The following CYB5B variants were observed in gnomAD, a reference collection of about 807,000 sequenced individuals.
CYB5B encodes the protein cytochrome b5 type B.
CYB5B carries 14 observed loss-of-function variants against 21.3 expected under a neutral mutation model. That is an observed-to-expected ratio of 0.66 (90% CI 0.43 to 1.03). The LOEUF (loss-of-function observed/expected upper bound fraction) is 1.03. CYB5B is among the 50% of genes least tolerant of loss of function. The pLI, the probability that CYB5B is intolerant of heterozygous loss-of-function variation, is 0.00. For synonymous variants in CYB5B, 69 were observed against 68.4 expected (o/e 1.01, Z -0.04); for missense variants, 166 against 185.1 (o/e 0.90, Z 0.60).
intron 1 of CYB5B, among the ~76,000 whole-genome samples, chr16:69,439,500 C>A (rs750998431): frequency 6.6e-6 from 1 of 151,120 alleles, no homozygotes; most frequent in Non-Finnish European, 1.5e-5. Context: ...TGAGCCACCA[C>A]GCCCGGCCTG....
chr16:69,462,288 A>G (rs1429019196), intron 4 of CYB5B, 142 bp from the exon 5 acceptor site: 4 of 637,778 alleles, frequency 6.3e-6, no homozygotes, highest in Admixed American at 2.8e-5. Context: ...ATTTTTCCCC[A>G]ACTACTTTGT....
At chr16:69,454,475 C>T (rs1391359095) in intron 3 of CYB5B, among the ~76,000 whole-genome samples, 2 of 152,176 alleles carry the variant, frequency 1.3e-5, no homozygotes, top group East Asian at 1.9e-4. Context: ...ACCTTCAATA[C>T]TCAAAACATT....
chr16:69,452,761 C>T (rs548115770), intron 3 of CYB5B, among the ~76,000 whole-genome samples: 1 of 152,160 alleles, frequency 6.6e-6, no homozygotes, highest in Non-Finnish European at 1.5e-5. Context: ...GTAATCCGAG[C>T]ACTTTGGGAG....
chr16:69,444,848 A>G (rs1050902545), intron 1 of CYB5B, among the ~76,000 whole-genome samples: 1 of 152,182 alleles, frequency 6.6e-6, no homozygotes, highest in Non-Finnish European at 1.5e-5. Context: ...TTATGCACCA[A>G]ATTGTTAACT....
In CYB5B at chr16:69,464,242, A is replaced by G. The variant is rs532361199; in HGVS notation, c.*1722A>G. ...TTCATCAAAATAATATTAACCTTGT[A>G]CTTGCACACTTGGATATATTTGGGA... On this transcript the variant is annotated 3_prime_UTR_variant, in exon 5 of 5. Coordinates refer to ENST00000307892, the MANE Select transcript of CYB5B (RefSeq NM_030579.3). 29 of 152,210 alleles carry G rather than the reference A, an allele frequency of 1.9e-4. No homozygotes were observed. The highest frequency in any genetic ancestry group is 3.5e-4 in the Non-Finnish European group (24 of 68,048). 9.4% of individuals were successfully genotyped at this position (152,210 alleles called of 1,614,324 possible).
At chr16:69,430,099 T>G (rs2142808792) in intron 1 of CYB5B, among the ~76,000 whole-genome samples, 1 of 152,316 alleles carries the variant, frequency 6.6e-6, no homozygotes, top group East Asian at 1.9e-4. Context: ...ATTTAGTAGT[T>G]TAGAAAAATC....
At chr16:69,430,263 C>T (rs2014692086) in intron 1 of CYB5B, among the ~76,000 whole-genome samples, 1 of 152,036 alleles carries the variant, frequency 6.6e-6, no homozygotes, top group African/African-American at 2.4e-5. Flanking sequence ...GTTGTCCAGG[C>T]TTGAGTGCAG....
intron 1 of CYB5B, among the ~76,000 whole-genome samples, chr16:69,433,365 A>G (rs968032003): frequency 6.6e-5 from 10 of 152,078 alleles, no homozygotes; most frequent in African/African-American, 2.2e-4. Context: ...GTTAACTCCC[A>G]TTGTTTGTGT....
At chr16:69,459,058 T>A (rs550493757) in intron 3 of CYB5B, 35 bp from the exon 4 acceptor site, 1 of 1,534,072 alleles carries the variant, frequency 6.5e-7, no homozygotes, top group Admixed American at 2.0e-5. Context: ...TCTTTTTGTT[T>A]GTTATTTTTG....
chr16:69,431,638 G>A (rs539090091), intron 1 of CYB5B, among the ~76,000 whole-genome samples: 1 of 152,250 alleles, frequency 6.6e-6, no homozygotes, highest in East Asian at 1.9e-4. Flanking sequence ...CGAGCATGGT[G>A]GCATGAGCCT....
chr16:69,442,592 A>G (rs1172839958), intron 1 of CYB5B, among the ~76,000 whole-genome samples: 2 of 152,084 alleles, frequency 1.3e-5, no homozygotes, highest in East Asian at 3.8e-4. Context: ...CAGTGGCGCC[A>G]TGCCTCGAAT....
rs2015070427 is a variant in CYB5B at position 69,464,723 on chromosome 16, G to T, written c.*2203G>T. 6.6e-6 allele frequency: 1 copy of T among 152,618 alleles called. No individual in the cohort carries two copies. Among genetic ancestry groups the T allele is most frequent in the African/African-American group, 2.4e-5 (1 of 41,438 alleles). 9.5% of individuals were successfully genotyped at this position (152,618 alleles called of 1,614,324 possible). A position where few individuals can be genotyped will look rare whatever the true frequency, so the allele number is the denominator to read the frequency against. ...TTTTAAGGTAAATGCCAATGCAAAA[G>T]GTATGTTTTTCTACTTCACATTGGT... On this transcript the variant is annotated 3_prime_UTR_variant, in exon 5 of 5. Coordinates refer to ENST00000307892, the MANE Select transcript of CYB5B (RefSeq NM_030579.3).
At chr16:69,454,433 A>G (rs754100506) in intron 3 of CYB5B, among the ~76,000 whole-genome samples, 9 of 152,250 alleles carry the variant, frequency 5.9e-5, no homozygotes, top group Non-Finnish European at 8.8e-5. Flanking sequence ...TGACTGTGTC[A>G]TAGTTGGGAC....
intron 3 of CYB5B, among the ~76,000 whole-genome samples, chr16:69,454,118 C>G (rs527552805): frequency 3.9e-5 from 6 of 152,260 alleles, no homozygotes; most frequent in African/African-American, 1.4e-4. Context: ...CTTCTTAAGT[C>G]CTGATAGAGA....
At chr16:69,435,713 T>G (rs1334552875) in intron 1 of CYB5B, among the ~76,000 whole-genome samples, 1 of 152,082 alleles carries the variant, frequency 6.6e-6, no homozygotes, top group Non-Finnish European at 1.5e-5. Context: ...TCTCAGCTCA[T>G]TACAACCTCT....
intron 1 of CYB5B, among the ~76,000 whole-genome samples, chr16:69,425,511 A>G (rs1397658324): frequency 6.6e-6 from 1 of 152,108 alleles, no homozygotes; most frequent in African/African-American, 2.4e-5. Context: ...TCATTTTAAA[A>G]ATTATTTTTG....
Position 69,462,425 on chromosome 16 carries a change from C to G in CYB5B, c.363-5C>G. ...AACTTTATTGCTTTCTCCCCCTATT[C>G]CTAGTTGCTGGGCATATTGGATTTT... On this transcript the variant is annotated splice_region_variant and splice_polypyrimidine_tract_variant and intron_variant, in intron 4 of 4. Transcript: ENST00000307892. 2 of 1,609,706 alleles carry G rather than the reference C, an allele frequency of 1.2e-6. No homozygotes were observed. Among genetic ancestry groups the G allele is most frequent in the Non-Finnish European group, 1.7e-6 (2 of 1,175,982 alleles).
intron 1 of CYB5B, among the ~76,000 whole-genome samples, chr16:69,427,756 G>C (rs976989092): frequency 1.3e-5 from 2 of 151,908 alleles, no homozygotes; most frequent in African/African-American, 2.4e-5. Flanking sequence ...AGCACTTTGC[G>C]AGGCGAAGGT....
At chr16:69,440,745 C>CGTGTGTGTGTGTGTGTGTGTGTGTGTGT (rs56008000) in intron 1 of CYB5B, among the ~76,000 whole-genome samples, 120 of 146,314 alleles carry the variant, frequency 8.2e-4, no homozygotes, top group African/African-American at 2.4e-3. Context: ...GTGTGTGTTG[C>CGTGTGTGTGTGTGTGTGTGTGTGTGTGT]GTGTGTGTGT....
Sources: allele counts gnomAD v4.1 joint callset (sites outside exome capture counted in the v4.1 genomes callset), GRCh38; gene constraint gnomAD v4.1.1; transcripts MANE v1.5; gene names NCBI Gene and HGNC (gene_info 2026-07-23, HGNC 2026-07-21).